The following CDK6 variants were observed in gnomAD, a reference collection of about 807,000 sequenced individuals.
CDK6 encodes the protein cyclin dependent kinase 6.
In CDK6, 6 loss-of-function variants were observed where a neutral mutation model predicts 37.1. The observed-to-expected ratio is 0.16, with a 90% CI of 0.09 to 0.32. The LOEUF is 0.32. Among genes scored for constraint, CDK6 ranks in the 10% least tolerant of loss-of-function variants. The pLI is 1.00. For missense variants in CDK6, 224 were observed against 418.9 expected, an observed-to-expected ratio of 0.53 and a Z score of 4.06; for synonymous variants, 160 against 161.3, an observed-to-expected ratio of 0.99 and a Z score of 0.06.
At chr7:92,683,278 T>G (rs1450825149) in intron 4 of CDK6, among the ~76,000 whole-genome samples, 1 of 152,270 alleles carries the variant, frequency 6.6e-6, no homozygotes, top group Admixed American at 6.5e-5. Flanking sequence ...AAAAATTGGG[T>G]TTTTCCTTGC....
chr7:92,620,673 C>T (rs1423115025), intron 6 of CDK6, among the ~76,000 whole-genome samples: 4 of 152,080 alleles, frequency 2.6e-5, no homozygotes, highest in Admixed American at 6.6e-5. Context: ...TTTGGAAGGC[C>T]GAGGCAAGTG....
intron 5 of CDK6, among the ~76,000 whole-genome samples, chr7:92,639,138 A>T (rs1301994885): frequency 1.3e-5 from 2 of 152,222 alleles, no homozygotes; most frequent in Non-Finnish European, 2.9e-5. Context: ...TATTAAAAAA[A>T]ATCTTGGCGC....
At chr7:92,819,122 A>G (rs768720133) in intron 2 of CDK6, among the ~76,000 whole-genome samples, 1 of 152,094 alleles carries the variant, frequency 6.6e-6, no homozygotes, top group Admixed American at 6.6e-5. Context: ...ACAAATATTC[A>G]CAACAGCCTT....
chr7:92,811,507 T>C (rs1362426017), intron 2 of CDK6, among the ~76,000 whole-genome samples: 2 of 151,614 alleles, frequency 1.3e-5, no homozygotes, highest in East Asian at 3.9e-4. Context: ...AGATTAAATG[T>C]GGAAATAATT....
At chr7:92,814,360 C>T (rs1800968361) in intron 2 of CDK6, among the ~76,000 whole-genome samples, 2 of 151,980 alleles carry the variant, frequency 1.3e-5, no homozygotes, top group African/African-American at 2.4e-5. Context: ...CTCATGTGAT[C>T]CCAATATTTC....
chr7:92,656,336 G>C (rs1796697650), intron 5 of CDK6, among the ~76,000 whole-genome samples: 1 of 152,136 alleles, frequency 6.6e-6, no homozygotes, highest in African/African-American at 2.4e-5. Flanking sequence ...AAAAGAGCAA[G>C]GGTATCAGAC....
At chr7:92,632,933 CTTTTTTTTTTTTT>C (rs397889657) in intron 5 of CDK6, among the ~76,000 whole-genome samples, 1 of 108,898 alleles carries the variant, frequency 9.2e-6, no homozygotes, top group African/African-American at 3.6e-5. Context: ...CTCTAAAGAT[CTTTTTTTTTTTTT>C]TTTTTTTTTT....
At chr7:92,727,327 A>G (rs1798536845) in intron 3 of CDK6, among the ~76,000 whole-genome samples, 1 of 152,246 alleles carries the variant, frequency 6.6e-6, no homozygotes, top group South Asian at 2.1e-4. Context: ...TCTCATCGAG[A>G]ACAGTATATT....
intron 4 of CDK6, among the ~76,000 whole-genome samples, chr7:92,712,786 G>A (rs1356053971): frequency 6.6e-6 from 1 of 152,148 alleles, no homozygotes; most frequent in African/African-American, 2.4e-5. Context: ...ACAGTGGACA[G>A]TTTGGGTATA....
intron 3 of CDK6, among the ~76,000 whole-genome samples, chr7:92,731,125 A>T (rs1325632397): frequency 6.6e-6 from 1 of 152,200 alleles, no homozygotes; most frequent in Non-Finnish European, 1.5e-5. Context: ...AGCTTGCTGT[A>T]TGTATACAGC....
intron 5 of CDK6, among the ~76,000 whole-genome samples, chr7:92,657,421 G>T (rs1450518022): frequency 6.6e-6 from 1 of 152,194 alleles, no homozygotes; most frequent in African/African-American, 2.4e-5. Context: ...CCTAAATTCT[G>T]CCTGGAAGGA....
Position 92,609,159 on chromosome 7 carries a change from GCACCGTCGAGTGT to G in CDK6, c.*5968_*5980del, listed in dbSNP as rs1795505643. 1 of 232,712 alleles carries G rather than the reference GCACCGTCGAGTGT, an allele frequency of 4.3e-6. No individual in the cohort carries two copies. The highest frequency in any genetic ancestry group is 8.5e-6 in the Non-Finnish European group (1 of 117,832). 14.4% of individuals were successfully genotyped at this position (232,712 alleles called of 1,614,324 possible). On this transcript the variant is annotated 3_prime_UTR_variant, in exon 8 of 8. Transcript: ENST00000424848. ...GCCACTCAGGAGGAAAGTTGGGCAG[GCACCGTCGAGTGT>G]CTGCCACTCAAAAGGAATAAGCTGC...
intron 2 of CDK6, among the ~76,000 whole-genome samples, chr7:92,827,661 T>C (rs1801360254): frequency 6.6e-6 from 1 of 152,154 alleles, no homozygotes; most frequent in Admixed American, 6.5e-5. Flanking sequence ...GTAAGTATGC[T>C]TGTTATCAAC....
chr7:92,645,916 T>C (rs1414000367), intron 5 of CDK6, among the ~76,000 whole-genome samples: 3 of 152,240 alleles, frequency 2.0e-5, no homozygotes, highest in Non-Finnish European at 4.4e-5. Flanking sequence ...CTGTATGGTA[T>C]TGAATTGAAT....
chr7:92,692,752 C>T (rs759147857), intron 4 of CDK6, among the ~76,000 whole-genome samples: 1 of 152,164 alleles, frequency 6.6e-6, no homozygotes, highest in Admixed American at 6.5e-5. Context: ...CATGCCACTG[C>T]ACTCCAGCCT....
rs550980697 is a variant in CDK6 at position 92,741,194 on chromosome 7, G to A, written c.370-15401C>T. Among the ~76,000 whole-genome samples, 83 of 152,188 alleles carry A rather than the reference G, an allele frequency of 5.5e-4. 1 individual carries two copies. Among genetic ancestry groups the A allele is most frequent in the South Asian group, 3.5e-3 (17 of 4,820 alleles). On this transcript the variant is annotated intron_variant, in intron 3 of 7. Transcript: ENST00000424848. ...TTCTGACATGTAAACTAGATAAATC[G>A]ACAGAGAAAGGAGTAAGGCTTAGAG...
At chr7:92,791,405 T>C (rs956863434) in intron 2 of CDK6, among the ~76,000 whole-genome samples, 1 of 152,182 alleles carries the variant, frequency 6.6e-6, no homozygotes, top group Non-Finnish European at 1.5e-5. Flanking sequence ...CATATTTTAA[T>C]ATCCCAAATG....
intron 3 of CDK6, among the ~76,000 whole-genome samples, chr7:92,752,531 C>T (rs1332004065): frequency 6.6e-6 from 1 of 152,142 alleles, no homozygotes; most frequent in African/African-American, 2.4e-5. Flanking sequence ...CCCATGAGAA[C>T]TCAGTAATTA....
intron 5 of CDK6, among the ~76,000 whole-genome samples, chr7:92,667,971 G>A (rs182061075): frequency 3.9e-5 from 6 of 152,304 alleles, no homozygotes; most frequent in Non-Finnish European, 8.8e-5. Context: ...TGTTTATAAA[G>A]TCTACAGCAG....
Sources: allele counts gnomAD v4.1 joint callset (sites outside exome capture counted in the v4.1 genomes callset), GRCh38; gene constraint gnomAD v4.1.1; transcripts MANE v1.5; gene names NCBI Gene and HGNC (gene_info 2026-07-23, HGNC 2026-07-21).